Variants in EVI5 observed in about 807,000 individuals in gnomAD.
The protein encoded by EVI5 is ecotropic viral integration site 5.
EVI5 carries 73 observed loss-of-function variants against 112.0 expected under a neutral mutation model. The ratio of observed to expected loss-of-function variants is 0.65; its 90% confidence interval spans 0.54 to 0.79. EVI5 has a LOEUF of 0.79. EVI5 is among the 30% of genes least tolerant of loss of function. The probability of loss-of-function intolerance (pLI) is 0.00; values close to 1 mark genes in which losing one functional copy is unlikely to be tolerated. For synonymous variants in EVI5, 305 were observed against 319.9 expected (o/e 0.95, Z 0.50); for missense variants, 900 against 968.8 (o/e 0.93, Z 0.94).
intron 2 of EVI5, among the ~76,000 whole-genome samples, chr1:92,721,176 G>A (rs932662576): frequency 6.6e-6 from 1 of 152,066 alleles, no homozygotes; most frequent in East Asian, 1.9e-4. Flanking sequence ...CCCATTACTG[G>A]GTATATACCC....
At chr1:92,745,613 A>G (rs1382759676) in intron 1 of EVI5, among the ~76,000 whole-genome samples, 3 of 152,154 alleles carry the variant, frequency 2.0e-5, no homozygotes, top group African/African-American at 4.8e-5. Flanking sequence ...CAAGAATTCA[A>G]GACCAGCCTG....
At chr1:92,602,103 T>C (rs1571828011) in intron 18 of EVI5, among the ~76,000 whole-genome samples, 1 of 152,152 alleles carries the variant, frequency 6.6e-6, no homozygotes, top group Non-Finnish European at 1.5e-5. Context: ...CAAATCATAA[T>C]GTGTTGTGGT....
chr1:92,697,703 T>C (rs1473883795), intron 6 of EVI5, among the ~76,000 whole-genome samples, 157 bp downstream of exon 6: 4 of 152,214 alleles, frequency 2.6e-5, no homozygotes, highest in East Asian at 3.9e-4. Flanking sequence ...AAGGGTCAAA[T>C]TGTACATTAA....
intron 18 of EVI5, among the ~76,000 whole-genome samples, chr1:92,576,637 A>G (rs937003176): frequency 5.9e-5 from 9 of 152,228 alleles, no homozygotes; most frequent in African/African-American, 2.2e-4. Flanking sequence ...TGTCTGGTAC[A>G]GAAGTGGCTT....
chr1:92,615,010 T>C (rs958607935), intron 16 of EVI5, among the ~76,000 whole-genome samples: 1 of 151,430 alleles, frequency 6.6e-6, no homozygotes, highest in Non-Finnish European at 1.5e-5. Flanking sequence ...CTTAAATTGG[T>C]TTGGGGGTTT....
At chr1:92,536,912 T>C (rs1169583712) in intron 19 of EVI5, among the ~76,000 whole-genome samples, 2 of 152,170 alleles carry the variant, frequency 1.3e-5, no homozygotes, top group East Asian at 1.9e-4. Context: ...AATTTTAACA[T>C]TGGGGTAATG....
At chr1:92,587,344 T>C (rs1672965458) in intron 18 of EVI5, among the ~76,000 whole-genome samples, 1 of 143,372 alleles carries the variant, frequency 7.0e-6, no homozygotes, top group Non-Finnish European at 1.5e-5. Flanking sequence ...AATATTTAGG[T>C]AAATTGCTCA....
chr1:92,715,996 G>A (rs950147554), intron 2 of EVI5, among the ~76,000 whole-genome samples: 2 of 152,146 alleles, frequency 1.3e-5, no homozygotes, highest in Non-Finnish European at 2.9e-5. Context: ...GTGCTGCAAG[G>A]CTTGCTATCT....
chr1:92,604,530 G>A (rs1341027143), intron 18 of EVI5, among the ~76,000 whole-genome samples: 1 of 152,064 alleles, frequency 6.6e-6, no homozygotes, highest in Non-Finnish European at 1.5e-5. Flanking sequence ...AATGCCTTCT[G>A]GAAAACCTCC....
chr1:92,551,023 C>A (rs557730946), intron 19 of EVI5, among the ~76,000 whole-genome samples: 4 of 97,660 alleles, frequency 4.1e-5, no homozygotes, highest in Admixed American at 3.6e-4. Context: ...TTTCTTTTTT[C>A]TTTTCTTTCT....
intron 1 of EVI5, among the ~76,000 whole-genome samples, chr1:92,753,475 A>G (rs1680495960): frequency 6.6e-6 from 1 of 152,252 alleles, no homozygotes; most frequent in Admixed American, 6.5e-5. Flanking sequence ...ATGAAATTAT[A>G]TTTTTTAACC....
chr1:92,510,163 T>C lies in EVI5; in HGVS notation c.*3493A>G, dbSNP rs1480574524. 3 of 152,254 alleles carry C rather than the reference T, an allele frequency of 2.0e-5. No homozygotes were observed. The highest frequency in any genetic ancestry group is 4.8e-5 in the African/African-American group (2 of 41,474). The allele number at this position is 152,254 out of a possible 1,614,324, so 9.4% of individuals were successfully genotyped here. On this transcript the variant is annotated 3_prime_UTR_variant, in exon 20 of 20. Transcript: ENST00000684568. ...TCAACGGATTAAGGTTTCCTTACCATGATTCTTTTAACACCTAATTCCTAA... is the reference window on the plus strand; with the variant it reads ...TCAACGGATTAAGGTTTCCTTACCACGATTCTTTTAACACCTAATTCCTAA...
intron 19 of EVI5, among the ~76,000 whole-genome samples, chr1:92,547,586 A>G (rs189910513): frequency 6.6e-6 from 1 of 151,560 alleles, no homozygotes; most frequent in Non-Finnish European, 1.5e-5. Flanking sequence ...TCAACAAAAT[A>G]GATAGACCGC....
At chr1:92,718,630 G>A (rs1248709136) in intron 2 of EVI5, among the ~76,000 whole-genome samples, 1 of 152,096 alleles carries the variant, frequency 6.6e-6, no homozygotes, top group Non-Finnish European at 1.5e-5. Flanking sequence ...ACAATTAAAA[G>A]AACTAGAGAA....
chr1:92,759,851 A>C lies in EVI5; in HGVS notation c.-81-23224T>G, dbSNP rs1215857129. 3.0e-5 allele frequency among the ~76,000 whole-genome samples: 4 copies of C among 133,992 alleles called. 1 individual carries two copies. Among genetic ancestry groups the C allele is most frequent in the Non-Finnish European group, 4.6e-5 (3 of 64,638 alleles). 87.9% of individuals were successfully genotyped at this position (133,992 alleles called of 152,430 possible). A position where few individuals can be genotyped will look rare whatever the true frequency, so the allele number is the denominator to read the frequency against. On this transcript the variant is annotated intron_variant, in intron 1 of 19. Coordinates refer to ENST00000684568, the MANE Select transcript of EVI5 (RefSeq NM_001350197.2). ...ATAATATTCATATTCATACATATAC[A>C]AATACCCTCCCCCCCACATACATTT...
At chr1:92,690,084 C>T (rs1669241800) in intron 9 of EVI5, among the ~76,000 whole-genome samples, 1 of 152,008 alleles carries the variant, frequency 6.6e-6, no homozygotes, top group African/African-American at 2.4e-5. Context: ...CGCTATGTTG[C>T]CCAGGCTGGT....
intron 18 of EVI5, among the ~76,000 whole-genome samples, chr1:92,584,770 T>A (rs951645351): frequency 6.6e-6 from 1 of 152,208 alleles, no homozygotes; most frequent in Non-Finnish European, 1.5e-5. Context: ...AAAGTACACA[T>A]AAATGTCTTT....
chr1:92,607,751 T>TGA, intron 16 of EVI5, 24 bp from the exon 17 acceptor site: 1 of 1,535,964 alleles, frequency 6.5e-7, no homozygotes, highest in Non-Finnish European at 8.8e-7. Context: ...ATATAAATAC[T>TGA]GAGACTATAG....
intron 18 of EVI5, among the ~76,000 whole-genome samples, chr1:92,565,965 A>AAAAAAAAAAAAAAAAAAAG (rs1669403225): frequency 6.7e-6 from 1 of 149,754 alleles, no homozygotes; most frequent in South Asian, 2.2e-4. Context: ...AAAAAAAAAA[A>AAAAAAAAAAAAAAAAAAAG]AAAGAAATGT....
Sources: allele counts gnomAD v4.1 joint callset (sites outside exome capture counted in the v4.1 genomes callset), GRCh38; gene constraint gnomAD v4.1.1; transcripts MANE v1.5; gene names NCBI Gene and HGNC (gene_info 2026-07-23, HGNC 2026-07-21).